Variants in TRAPPC8 observed in about 807,000 individuals in gnomAD.
TRAPPC8 encodes the protein general sporulation gene 1 homolog.
A neutral mutation model predicts 174.3 loss-of-function variants in TRAPPC8; 54 were observed. The ratio of observed to expected loss-of-function variants is 0.31; its 90% confidence interval spans 0.25 to 0.39. The LOEUF (loss-of-function observed/expected upper bound fraction) is 0.39. Ranked by LOEUF, TRAPPC8 falls within the 10% of genes least tolerant of loss-of-function variation. The pLI, the probability that TRAPPC8 is intolerant of heterozygous loss-of-function variation, is 1.00. For synonymous variants in TRAPPC8, 630 were observed against 579.9 expected (o/e 1.09, Z -1.24); for missense variants, 1,531 against 1,699.1 (o/e 0.90, Z 1.74).
chr18:31,845,017 C>T (rs1447867821), intron 26 of TRAPPC8: 1 of 151,810 alleles, frequency 6.6e-6, no homozygotes, highest in Non-Finnish European at 1.5e-5. Flanking sequence ...AATCCCAGCA[C>T]TTTGGGAGGC....
chr18:31,895,502 G>C (rs187968933), intron 11 of TRAPPC8, among the ~76,000 whole-genome samples: 6 of 152,152 alleles, frequency 3.9e-5, no homozygotes, highest in Admixed American at 2.0e-4. Flanking sequence ...CCAGATTTGA[G>C]AAAGAAAAGT....
chr18:31,892,932 A>G (rs1384865507), intron 11 of TRAPPC8, among the ~76,000 whole-genome samples: 1 of 150,840 alleles, frequency 6.6e-6, no homozygotes, highest in Non-Finnish European at 1.5e-5. Context: ...CAGGAGAATC[A>G]CCTGAGCCTG....
intron 10 of TRAPPC8, 71 bp from the exon 11 acceptor site, chr18:31,897,962 CA>C (rs1227496801): frequency 1.8e-5 from 23 of 1,295,556 alleles, no homozygotes; most frequent in Non-Finnish European, 2.4e-5. Context: ...ATGTGTTCAG[CA>C]AAAGATTCCA....
intron 1 of TRAPPC8, among the ~76,000 whole-genome samples, chr18:31,935,737 TTTC>T (rs991037278): frequency 6.7e-6 from 1 of 150,066 alleles, no homozygotes; most frequent in Non-Finnish European, 1.5e-5. Context: ...AGAGACCCCA[TTTC>T]TTTTTTTTTT....
chr18:31,942,336 C>T (rs2038381108), intron 1 of TRAPPC8, among the ~76,000 whole-genome samples: 1 of 152,202 alleles, frequency 6.6e-6, no homozygotes, highest in Non-Finnish European at 1.5e-5. Flanking sequence ...CGAAGACTCA[C>T]GTTTATCTTT....
intron 11 of TRAPPC8, among the ~76,000 whole-genome samples, chr18:31,892,709 A>T (rs976297730): frequency 6.6e-6 from 1 of 152,150 alleles, no homozygotes; most frequent in African/African-American, 2.4e-5. Context: ...CTACTCAGCC[A>T]AAAATCTTTA....
intron 20 of TRAPPC8, among the ~76,000 whole-genome samples, 183 bp downstream of exon 20, chr18:31,857,357 T>A (rs1385516547): frequency 6.6e-6 from 1 of 152,196 alleles, no homozygotes; most frequent in Non-Finnish European, 1.5e-5. Flanking sequence ...TTAAATTTTA[T>A]TTTTTCATTT....
At chr18:31,915,550 C>A (rs1019743306) in intron 4 of TRAPPC8, among the ~76,000 whole-genome samples, 1 of 150,686 alleles carries the variant, frequency 6.6e-6, no homozygotes, top group Non-Finnish European at 1.5e-5. Context: ...TTACTGAGGT[C>A]AAGAGTTCAA....
intron 27 of TRAPPC8, among the ~76,000 whole-genome samples, chr18:31,837,747 A>G (rs189873712): frequency 2.6e-5 from 4 of 152,198 alleles, no homozygotes; most frequent in East Asian, 1.9e-4. Context: ...AAATATTTTA[A>G]AAGTCCATTA....
At chr18:31,906,276 T>G (rs918746580) in intron 9 of TRAPPC8, among the ~76,000 whole-genome samples, 7 of 148,372 alleles carry the variant, frequency 4.7e-5, no homozygotes, top group Non-Finnish European at 8.9e-5. Context: ...GAGGTGGAGG[T>G]TGCCGTGAGC....
At chr18:31,862,403 TCAAA>T (rs201808485) in intron 19 of TRAPPC8, among the ~76,000 whole-genome samples, 1,906 of 152,112 alleles carry the variant, frequency 0.013, 37 homozygotes, top group African/African-American at 0.043. Context: ...GGAAATATTA[TCAAA>T]CAGAGTAGAC....
chr18:31,929,226 C>T (rs756651937), intron 2 of TRAPPC8, among the ~76,000 whole-genome samples: 8 of 151,198 alleles, frequency 5.3e-5, no homozygotes, highest in Non-Finnish European at 8.8e-5. Flanking sequence ...AGCCAAACTC[C>T]TGTTTTCAGA....
At chr18:31,930,378 C>G (rs1053403765) in intron 2 of TRAPPC8, among the ~76,000 whole-genome samples, 1 of 152,024 alleles carries the variant, frequency 6.6e-6, no homozygotes, top group African/African-American at 2.4e-5. Flanking sequence ...CCTCGGCCTC[C>G]CAAAGTGCTG....
intron 27 of TRAPPC8, among the ~76,000 whole-genome samples, chr18:31,837,779 T>TTC (rs557370111): frequency 5.3e-4 from 80 of 152,194 alleles, no homozygotes; most frequent in Non-Finnish European, 5.7e-4. Context: ...GGTAAACTAA[T>TTC]TCTGGTATAT....
In TRAPPC8 at chr18:31,908,330, T is replaced by C. The variant is rs752471591; in HGVS notation, c.1211A>G (p.Asn404Ser). 3.7e-6 allele frequency: 6 copies of C among 1,605,870 alleles called. No homozygotes were observed. Among genetic ancestry groups the C allele is most frequent in the Non-Finnish European group, 5.1e-6 (6 of 1,176,492 alleles). The change falls in exon 8 of 29, where the codon AAT becomes AGT. Residue 404 changes from asparagine (N) to serine (S), a missense_variant. By Grantham distance (46) the Asn-to-Ser change is conservative (BLOSUM62 1). Coordinates refer to ENST00000283351, the MANE Select transcript of TRAPPC8 (RefSeq NM_014939.5). ...CAAGCCAGATGTATTTTTCAGGTCA[T>C]TAATGCTCTTTTCTGGAACTTTACT... The part of the protein sequence containing the change: ...SGSKVPEKSI[N>S]DLKNTSGLLY...
chr18:31,900,904 A>C lies in TRAPPC8; in HGVS notation c.1490+21T>G, dbSNP rs189101161. 1,304 of 1,551,228 alleles carry C rather than the reference A, an allele frequency of 8.4e-4. 2 individuals are homozygous for C. The highest frequency in any genetic ancestry group is 1.8e-3 in the Admixed American group (86 of 47,562). The stretch of plus-strand genomic sequence containing the variant: ...ACTGACCTTTAACTGGATACAATAT[A>C]AATCTTATATAGTCACCTACTTGCA... On this transcript the variant is annotated intron_variant, in intron 10 of 28. Transcript: ENST00000283351.
intron 12 of TRAPPC8, among the ~76,000 whole-genome samples, chr18:31,882,822 G>A (rs139971587): frequency 1.5e-3 from 228 of 150,974 alleles, no homozygotes; most frequent in African/African-American, 5.4e-3. Flanking sequence ...CCACTATGTT[G>A]GCCAGGCTGG....
At chr18:31,891,649 T>C (rs2035958649) in intron 11 of TRAPPC8, among the ~76,000 whole-genome samples, 1 of 152,148 alleles carries the variant, frequency 6.6e-6, no homozygotes, top group Non-Finnish European at 1.5e-5. Context: ...TCAACAACAT[T>C]TTCACCAAAA....
At chr18:31,851,412 T>C (rs968020627) in intron 24 of TRAPPC8, among the ~76,000 whole-genome samples, 2 of 152,224 alleles carry the variant, frequency 1.3e-5, no homozygotes, top group Non-Finnish European at 2.9e-5. Flanking sequence ...CCTCAGGTTC[T>C]ACCCAAGTCC....
Sources: gnomAD v4.1 joint callset for allele counts (sites outside exome capture counted in the v4.1 genomes callset) on GRCh38, gnomAD v4.1.1 for gene constraint, MANE v1.5 for transcripts, NCBI Gene and HGNC (gene_info 2026-07-23, HGNC 2026-07-21) for gene names.